The following NR6A1 variants were observed in gnomAD, a reference collection of about 807,000 sequenced individuals.
The protein encoded by NR6A1 is nuclear receptor subfamily 6 group A member 1, also known as retinoic acid receptor-related testis-associated receptor.
Under a neutral mutation model 59.1 loss-of-function variants are expected in NR6A1, and 7 were observed. That is an observed-to-expected ratio of 0.12 (90% confidence interval 0.07 to 0.22). The LOEUF (loss-of-function observed/expected upper bound fraction) is 0.22. Among genes scored for constraint, NR6A1 ranks in the 10% least tolerant of loss-of-function variants. The pLI, the probability that NR6A1 is intolerant of heterozygous loss-of-function variation, is 1.00. For synonymous variants in NR6A1, 243 were observed against 236.1 expected (o/e 1.03, Z -0.27); for missense variants, 468 against 611.6 (o/e 0.77, Z 2.48).
intron 2 of NR6A1, among the ~76,000 whole-genome samples, chr9:124,697,396 AAAGT>A (rs1838799740): frequency 6.6e-6 from 1 of 152,142 alleles, no homozygotes; most frequent in Non-Finnish European, 1.5e-5. Flanking sequence ...GCAGAAGATA[AAAGT>A]AAGGTACTAT....
At chr9:124,535,129 A>C (rs1833217376) in intron 7 of NR6A1, among the ~76,000 whole-genome samples, 1 of 152,088 alleles carries the variant, frequency 6.6e-6, no homozygotes, top group Non-Finnish European at 1.5e-5. Context: ...GTCTCAAAAA[A>C]AAAAATCTAG....
rs1456447849 is a variant in NR6A1 at position 124,573,566 on chromosome 9, C to T, written c.143-18996G>A. Among the ~76,000 whole-genome samples the T allele has an allele frequency of 2.0e-5, 3 of 152,320 alleles. No homozygotes were observed. The South Asian group carries it at 6.2e-4, about 32-fold the overall frequency. ...ACTATTTACTGAGGAAGCCAACATT[C>T]GTGTTCCCTTTAAAAGTATTTCATA... is the stretch of plus-strand genomic sequence containing the variant. On this transcript the variant is annotated intron_variant, in intron 2 of 9. Transcript: ENST00000487099.
chr9:124,673,255 G>C (rs1025319040), intron 2 of NR6A1, among the ~76,000 whole-genome samples: 1 of 151,212 alleles, frequency 6.6e-6, no homozygotes, highest in African/African-American at 2.4e-5. Context: ...CCAGGAAGTT[G>C]AGGTTGTGGT....
At chr9:124,525,856 C>T (rs566207152) in intron 8 of NR6A1, among the ~76,000 whole-genome samples, 13 of 152,288 alleles carry the variant, frequency 8.5e-5, no homozygotes, top group African/African-American at 1.4e-4. Context: ...ACAAGTAATA[C>T]GTCAAGTGCC....
chr9:124,757,661 A>C (rs950380486), intron 1 of NR6A1, among the ~76,000 whole-genome samples: 4 of 152,200 alleles, frequency 2.6e-5, no homozygotes, highest in Non-Finnish European at 5.9e-5. Flanking sequence ...CAATTCAAGC[A>C]CAGACAGACC....
chr9:124,657,151 C>T (rs770122885), intron 2 of NR6A1, among the ~76,000 whole-genome samples: 23 of 152,224 alleles, frequency 1.5e-4, no homozygotes, highest in Non-Finnish European at 2.9e-4. Flanking sequence ...CCTCTTCTTT[C>T]GAACATTCTT....
intron 1 of NR6A1, among the ~76,000 whole-genome samples, chr9:124,766,643 C>T (rs1007570686): frequency 2.0e-5 from 3 of 152,168 alleles, no homozygotes; most frequent in Middle Eastern, 3.2e-3. Flanking sequence ...TCACTTTCAA[C>T]TTAATTATTA....
chr9:124,658,510 TA>T (rs1316367674), intron 2 of NR6A1: 2 of 152,224 alleles, frequency 1.3e-5, no homozygotes, highest in East Asian at 3.8e-4. Flanking sequence ...TTTTTTGTTT[TA>T]ACTGACAAAC....
chr9:124,769,282 A>T (rs1463402742), intron 1 of NR6A1, among the ~76,000 whole-genome samples: 1 of 151,602 alleles, frequency 6.6e-6, no homozygotes, highest in African/African-American at 2.4e-5. Context: ...CTCTGAAAAC[A>T]CATCATTATT....
At chr9:124,606,002 A>T (rs978093560) in intron 2 of NR6A1, among the ~76,000 whole-genome samples, 1 of 151,978 alleles carries the variant, frequency 6.6e-6, no homozygotes, top group Non-Finnish European at 1.5e-5. Flanking sequence ...TCCATTCTCC[A>T]TCCTGGCTGC....
chr9:124,537,988 C>G, intron 6 of NR6A1, 104 bp downstream of exon 6: 1 of 861,114 alleles, frequency 1.2e-6, no homozygotes, highest in Non-Finnish European at 1.8e-6. Flanking sequence ...ATTATCCCCC[C>G]AACTCATTCT....
intron 2 of NR6A1, among the ~76,000 whole-genome samples, chr9:124,690,121 C>T (rs1838481477): frequency 1.3e-5 from 2 of 152,222 alleles, no homozygotes; most frequent in South Asian, 4.1e-4. Flanking sequence ...TACCCCCAAA[C>T]ACTTATAGTG....
chr9:124,616,797 C>A (rs1275262793), intron 2 of NR6A1, among the ~76,000 whole-genome samples: 2 of 152,088 alleles, frequency 1.3e-5, no homozygotes, highest in Admixed American at 1.3e-4. Flanking sequence ...CCATTATAAA[C>A]CATTTCTCAT....
intron 2 of NR6A1, among the ~76,000 whole-genome samples, chr9:124,721,164 T>C (rs946182222): frequency 2.6e-5 from 4 of 152,172 alleles, no homozygotes; most frequent in African/African-American, 4.8e-5. Flanking sequence ...CCACCAGAGA[T>C]AGTGGCAGAC....
chr9:124,654,875 TACACACACACAC>T (rs3983841), intron 2 of NR6A1, among the ~76,000 whole-genome samples: 14 of 123,912 alleles, frequency 1.1e-4, no homozygotes, highest in South Asian at 5.9e-4. Flanking sequence ...TTTTTTTTTG[TACACACACACAC>T]ACACACACAC....
intron 2 of NR6A1, among the ~76,000 whole-genome samples, chr9:124,608,456 C>G (rs925292357): frequency 6.6e-6 from 1 of 152,106 alleles, no homozygotes; most frequent in Non-Finnish European, 1.5e-5. Flanking sequence ...TCCAAAGGAG[C>G]GGCAAAGGAC....
intron 2 of NR6A1, among the ~76,000 whole-genome samples, chr9:124,594,302 C>A (rs986795922): frequency 1.3e-5 from 2 of 152,184 alleles, no homozygotes; most frequent in Non-Finnish European, 2.9e-5. Flanking sequence ...CTAAGAAGAA[C>A]TGAAGTTTCA....
chr9:124,555,266 C>CT (rs1833891009), intron 2 of NR6A1, among the ~76,000 whole-genome samples: 1 of 152,196 alleles, frequency 6.6e-6, no homozygotes, highest in Non-Finnish European at 1.5e-5. Flanking sequence ...TTCCTTTAAA[C>CT]TGCATTTACT....
chr9:124,558,693 T>C (rs537980555), intron 2 of NR6A1, among the ~76,000 whole-genome samples: 2 of 152,312 alleles, frequency 1.3e-5, no homozygotes, highest in African/African-American at 2.4e-5. Context: ...CACTCCCTAA[T>C]AGTCATCCAG....
Sources: allele counts gnomAD v4.1 joint callset (sites outside exome capture counted in the v4.1 genomes callset), GRCh38; gene constraint gnomAD v4.1.1; transcripts MANE v1.5; gene names NCBI Gene and HGNC (gene_info 2026-07-23, HGNC 2026-07-21).